NCAPH: variants seen among roughly 807,000 people sequenced by gnomAD.
NCAPH encodes condensin complex subunit 2.
NCAPH carries 38 observed loss-of-function variants against 85.5 expected under a neutral mutation model. That is an observed-to-expected ratio of 0.44 (90% CI 0.34 to 0.58). The LOEUF (loss-of-function observed/expected upper bound fraction) is 0.58, where lower values mean the gene tolerates loss of function less well. Ranked by LOEUF, NCAPH falls within the 20% of genes least tolerant of loss-of-function variation. The probability of loss-of-function intolerance (pLI) is 0.01; values close to 1 mark genes in which losing one functional copy is unlikely to be tolerated. For synonymous variants in NCAPH, 301 were observed against 335.1 expected (o/e 0.90, Z 1.11); for missense variants, 789 against 916.6 (o/e 0.86, Z 1.80).
rs189063971 is a variant in NCAPH, at chr2:96,339,966, C to T, written c.20-1676C>T. On this transcript the variant is annotated intron_variant, in intron 1 of 17. Transcript: ENST00000240423. Reference sequence around the variant, plus strand: ...GTGACAGAGTCTCACTCTGTTGCCCCGGCTAGAGTGTAGTGGCGCCATCTC... The same window carrying T: ...GTGACAGAGTCTCACTCTGTTGCCCTGGCTAGAGTGTAGTGGCGCCATCTC... Among the ~76,000 whole-genome samples the T allele has an allele frequency of 8.5e-4, 130 of 152,100 alleles. 2 individuals are homozygous for T. In the South Asian group the frequency reaches 0.013, roughly 16 times the overall value.
rs563229800 is a variant in NCAPH, at chr2:96,344,087, T to C, written c.596-18T>C. The C allele has an allele frequency of 6.2e-6, 10 of 1,604,844 alleles. No homozygotes were observed. The highest frequency in any genetic ancestry group is 8.5e-6 in the Non-Finnish European group (10 of 1,177,286). On this transcript the variant is annotated intron_variant, in intron 5 of 17. Transcript: ENST00000240423. ...TCAAAGCAGCCCTTGCAGTACGCAA[T>C]TGTATTTCTCCTTTTAGATGGAAGT... is the stretch of plus-strand genomic sequence containing the variant.
At chr2:96,349,694 C>CA (rs1406807998) in intron 6 of NCAPH, among the ~76,000 whole-genome samples, 2 of 152,180 alleles carry the variant, frequency 1.3e-5, no homozygotes, top group African/African-American at 4.8e-5. Flanking sequence ...GATCAGAAAG[C>CA]AAATGTGTGG....
chr2:96,367,671 A>G (rs1237273896), intron 15 of NCAPH, among the ~76,000 whole-genome samples: 5 of 152,232 alleles, frequency 3.3e-5, no homozygotes, highest in Non-Finnish European at 7.3e-5. Flanking sequence ...GAAAACAAAA[A>G]TAAAAGGAAG....
intron 3 of NCAPH, 57 bp from the exon 4 acceptor site, chr2:96,342,699 T>C (rs1370561434): frequency 7.3e-7 from 1 of 1,375,058 alleles, no homozygotes; most frequent in African/African-American, 1.4e-5. Context: ...AAAGCAGCAT[T>C]ATTTACATGA....
In NCAPH at chr2:96,367,370, A is replaced by T; in HGVS notation, c.1995A>T (p.Ala665=). The stretch of plus-strand genomic sequence containing the variant: ...CGCTCTCCGGAAAGGAGGCAGATGC[A>T]GAGGTCAGATGCTCTTGCCTGTTCT... The part of the protein sequence containing the change: ...LTALSGKEAD[A]EANHREAGKE... Residue 665 remains alanine (A), a synonymous_variant, in exon 15 of 18, where the codon GCA becomes GCT. Coordinates refer to ENST00000240423, the MANE Select transcript of NCAPH (RefSeq NM_015341.5). 1 of 1,610,092 alleles carries T rather than the reference A, an allele frequency of 6.2e-7. No individual in the cohort carries two copies. The highest frequency in any genetic ancestry group is 8.5e-7 in the Non-Finnish European group (1 of 1,176,566).
intron 8 of NCAPH, among the ~76,000 whole-genome samples, chr2:96,353,611 A>C (rs940023777): frequency 6.6e-6 from 1 of 152,214 alleles, no homozygotes; most frequent in African/African-American, 2.4e-5. Flanking sequence ...TTCCAGGATC[A>C]GCTTTATGTC....
intron 9 of NCAPH, among the ~76,000 whole-genome samples, chr2:96,356,376 C>G (rs889385453): frequency 6.6e-6 from 1 of 152,162 alleles, no homozygotes; most frequent in African/African-American, 2.4e-5. Flanking sequence ...TTTGTTTTCT[C>G]ATCCATAAAA....
intron 8 of NCAPH, among the ~76,000 whole-genome samples, chr2:96,353,617 A>C (rs2064480023): frequency 6.6e-6 from 1 of 152,166 alleles, no homozygotes; most frequent in Non-Finnish European, 1.5e-5. Context: ...GATCAGCTTT[A>C]TGTCCTCTCT....
At chr2:96,368,205 A>G (rs892295723) in intron 15 of NCAPH, among the ~76,000 whole-genome samples, 1 of 152,246 alleles carries the variant, frequency 6.6e-6, no homozygotes, top group Non-Finnish European at 1.5e-5. Context: ...TGAGCTGGGT[A>G]TCAGAGAAAG....
chr2:96,349,508 A>G (rs903982785), intron 6 of NCAPH, among the ~76,000 whole-genome samples: 3 of 152,008 alleles, frequency 2.0e-5, no homozygotes, highest in Admixed American at 2.0e-4. Flanking sequence ...CAGCCACCCA[A>G]GTAGCTGGGA....
In NCAPH at chr2:96,374,085, T is replaced by A. The variant is rs1573103416; in HGVS notation, c.*734T>A. Among the ~76,000 whole-genome samples the A allele has an allele frequency of 1.3e-5, 2 of 152,328 alleles. No individual in the cohort carries two copies. The highest frequency in any genetic ancestry group is 3.9e-4 in the East Asian group (2 of 5,184). On this transcript the variant is annotated 3_prime_UTR_variant, in exon 18 of 18. Coordinates refer to ENST00000240423, the MANE Select transcript of NCAPH (RefSeq NM_015341.5). The stretch of plus-strand genomic sequence containing the variant: ...GGAGCTGATAGTGATACTTGTCCCT[T>A]CTGTACATTGCTTCATGTAGCCTTC...
At position 96,344,240 on chromosome 2, in the gene NCAPH, G is replaced by A. The variant is rs368492515; in HGVS notation, c.720+11G>A. On this transcript the variant is annotated intron_variant, in intron 6 of 17. Coordinates refer to ENST00000240423, the MANE Select transcript of NCAPH (RefSeq NM_015341.5). ...GATCGGAAGTGTGAGGTGAGGAACT[G>A]TATGCGCAGTGTGGTTTCTGACTAA... 1.3e-6 allele frequency: 2 copies of A among 1,597,268 alleles called. No homozygotes were observed. The highest frequency in any genetic ancestry group is 2.7e-5 in the African/African-American group (2 of 74,032).
At chr2:96,353,249 A>T in intron 7 of NCAPH, 57 bp from the exon 8 acceptor site, 1 of 1,378,596 alleles carries the variant, frequency 7.3e-7, no homozygotes, top group Non-Finnish European at 1.0e-6. Flanking sequence ...TGAAGGGAGT[A>T]AGGAATGCAC....
chr2:96,369,150 C>T (rs1357405016), intron 16 of NCAPH, 87 bp downstream of exon 16: 9 of 1,305,648 alleles, frequency 6.9e-6, no homozygotes, highest in Non-Finnish European at 8.5e-6. Flanking sequence ...AACCTGTTTC[C>T]TATGACATTT....
chr2:96,341,947 G>A, intron 2 of NCAPH, 53 bp downstream of exon 2: 3 of 1,605,780 alleles, frequency 1.9e-6, no homozygotes, highest in Non-Finnish European at 2.5e-6. Context: ...GATATGGGCT[G>A]CGTAGGTCCA....
At position 96,341,691 on chromosome 2, in the gene NCAPH, C is replaced by G. The variant is rs991290355; in HGVS notation, c.69C>G (p.Pro23=). 1.9e-6 allele frequency: 3 copies of G among 1,614,198 alleles called. No homozygotes were observed. The highest frequency in any genetic ancestry group is 2.5e-6 in the Non-Finnish European group (3 of 1,180,028). The part of the protein sequence containing the change: ...NNSSSETRGH[P]HSASSPSERV... ...CTTCTTCAGAGACGCGAGGACACCC[C>G]CACAGTGCCTCCTCTCCTTCAGAGC... Residue 23 remains proline (P), a synonymous_variant, in exon 2 of 18, where the codon CCC becomes CCG. Transcript: ENST00000240423.
chr2:96,367,834 C>T (rs1022339136), intron 15 of NCAPH, among the ~76,000 whole-genome samples: 2 of 152,204 alleles, frequency 1.3e-5, no homozygotes, highest in East Asian at 1.9e-4. Flanking sequence ...TACTTTAAAA[C>T]AGCAGCAGTT....
intron 8 of NCAPH, 121 bp downstream of exon 8, chr2:96,353,518 T>C: frequency 1.1e-6 from 1 of 884,510 alleles, no homozygotes; most frequent in Non-Finnish European, 1.8e-6. Flanking sequence ...AATATTTCCT[T>C]TGGCACTTCT....
At chr2:96,348,191 T>TC (rs1323263536) in intron 6 of NCAPH, among the ~76,000 whole-genome samples, 3 of 139,058 alleles carry the variant, frequency 2.2e-5, no homozygotes, top group Non-Finnish European at 3.1e-5. Flanking sequence ...GGTCTCTCTC[T>TC]TTTTTTTTTT....
Sources: allele counts gnomAD v4.1 joint callset (sites outside exome capture counted in the v4.1 genomes callset), GRCh38; gene constraint gnomAD v4.1.1; transcripts MANE v1.5; gene names NCBI Gene and HGNC (gene_info 2026-07-23, HGNC 2026-07-21).